MTA3: variants seen among roughly 807,000 people sequenced by gnomAD.
The protein encoded by MTA3 is metastasis associated 1 family member 3.
A neutral mutation model predicts 83.5 loss-of-function variants in MTA3; 34 were observed. That is an observed-to-expected ratio of 0.41 (90% CI 0.31 to 0.54). The LOEUF is 0.54. Ranked by LOEUF, MTA3 falls within the 20% of genes least tolerant of loss-of-function variation. MTA3 has a pLI of 0.33. For missense variants in MTA3, 761 were observed against 726.4 expected (o/e 1.05, Z -0.55); for synonymous variants, 303 against 252.7 (o/e 1.20, Z -1.89).
At chr2:42,551,266 C>T (rs1677098090) in intron 2 of MTA3, among the ~76,000 whole-genome samples, 1 of 152,004 alleles carries the variant, frequency 6.6e-6, no homozygotes, top group Non-Finnish European at 1.5e-5. Context: ...TCTTGGCTCA[C>T]TGCAACCTCT....
chr2:42,667,578 G>GTGTGTGTGTGTGTGCGTT (rs1690356769), intron 8 of MTA3, among the ~76,000 whole-genome samples: 1 of 129,812 alleles, frequency 7.7e-6, no homozygotes, highest in Non-Finnish European at 1.7e-5. Flanking sequence ...AATTGTGTGT[G>GTGTGTGTGTGTGTGCGTT]TGTGTGTGTG....
At chr2:42,623,485 G>GCT (rs1333744963) in intron 4 of MTA3, among the ~76,000 whole-genome samples, 3 of 152,156 alleles carry the variant, frequency 2.0e-5, no homozygotes, top group Non-Finnish European at 4.4e-5. Context: ...TAGAGGCAGT[G>GCT]CTCTCCTAGC....
chr2:42,727,526 C>A (rs994950968), intron 16 of MTA3, among the ~76,000 whole-genome samples: 2 of 152,076 alleles, frequency 1.3e-5, no homozygotes, highest in Non-Finnish European at 2.9e-5. Flanking sequence ...GATAGAAGAG[C>A]CATTACTGGA....
chr2:42,532,887 G>A, intron 2 of MTA3: 2 of 331,378 alleles, frequency 6.0e-6, no homozygotes, highest in Non-Finnish European at 5.8e-6. Flanking sequence ...TTTCTCTTTG[G>A]CTTCTTTTTT....
At chr2:42,732,378 G>A (rs573780668) in intron 16 of MTA3, among the ~76,000 whole-genome samples, 21 of 152,262 alleles carry the variant, frequency 1.4e-4, no homozygotes, top group African/African-American at 4.6e-4. Flanking sequence ...CTGAAGCCAC[G>A]GCCTAAGCTC....
At chr2:42,508,498 A>AT (rs1413114424) in intron 2 of MTA3, among the ~76,000 whole-genome samples, 2 of 151,252 alleles carry the variant, frequency 1.3e-5, no homozygotes, top group Non-Finnish European at 2.9e-5. Context: ...TGCCCTGCTA[A>AT]TTTTTTTTAT....
intron 2 of MTA3, chr2:42,511,943 G>A (rs1221801268): frequency 6.6e-6 from 1 of 151,828 alleles, no homozygotes; most frequent in Non-Finnish European, 1.5e-5. Context: ...CGTGAACCCG[G>A]GAGGCGGAGC....
intron 16 of MTA3, among the ~76,000 whole-genome samples, chr2:42,738,797 C>T (rs1668798297): frequency 6.6e-6 from 1 of 152,180 alleles, no homozygotes; most frequent in Admixed American, 6.5e-5. Context: ...AACTGGCCCC[C>T]CAGGGCGTAC....
chr2:42,521,754 T>C (rs1351283124), intron 2 of MTA3, among the ~76,000 whole-genome samples: 4 of 143,266 alleles, frequency 2.8e-5, no homozygotes, highest in Admixed American at 7.0e-5. Context: ...TTTCTCTCTT[T>C]TTTTTTTTTT....
chr2:42,576,263 A>G (rs911882917), intron 2 of MTA3, among the ~76,000 whole-genome samples: 1 of 152,186 alleles, frequency 6.6e-6, no homozygotes, highest in Non-Finnish European at 1.5e-5. Flanking sequence ...CTAAGAAGGC[A>G]AGAACCTTGA....
chr2:42,756,420 G>C lies in MTA3; in HGVS notation c.*3021G>C, dbSNP rs1670242312. On this transcript the variant is annotated 3_prime_UTR_variant, in exon 17 of 17. Transcript: ENST00000405094. Reference sequence around the variant, plus strand: ...GAGCCTGGGACAGGCGACCCACCGGGTCAGTCCCCTGCCACTCAGAGCAGA... The same window carrying C: ...GAGCCTGGGACAGGCGACCCACCGGCTCAGTCCCCTGCCACTCAGAGCAGA... 1.0e-6 allele frequency: 1 copy of C among 977,742 alleles called. No individual in the cohort carries two copies. The highest frequency in any genetic ancestry group is 1.7e-5 in the African/African-American group (1 of 57,200). 60.6% of individuals were successfully genotyped at this position (977,742 alleles called of 1,614,324 possible).
At chr2:42,540,951 C>T (rs1572950513) in intron 2 of MTA3, among the ~76,000 whole-genome samples, 1 of 151,920 alleles carries the variant, frequency 6.6e-6, no homozygotes, top group South Asian at 2.1e-4. Flanking sequence ...TGGTCCCTGA[C>T]TTATGATGGT....
intron 8 of MTA3, among the ~76,000 whole-genome samples, chr2:42,675,739 G>T (rs535571340): frequency 6.6e-6 from 1 of 152,112 alleles, no homozygotes; most frequent in Non-Finnish European, 1.5e-5. Flanking sequence ...TTATGTTACT[G>T]TGTCTTTTCC....
At chr2:42,518,638 C>G (rs1023540290) in intron 2 of MTA3, among the ~76,000 whole-genome samples, 2 of 152,126 alleles carry the variant, frequency 1.3e-5, no homozygotes, top group African/African-American at 4.8e-5. Context: ...GATCATAACT[C>G]CATACTCCTG....
chr2:42,713,315 T>C (rs1374128069), intron 14 of MTA3, among the ~76,000 whole-genome samples: 1 of 151,000 alleles, frequency 6.6e-6, no homozygotes, highest in Non-Finnish European at 1.5e-5. Context: ...ATGAAAAATG[T>C]GTTTTATGAG....
chr2:42,684,166 A>T (rs2104442386), intron 9 of MTA3, among the ~76,000 whole-genome samples: 1 of 152,292 alleles, frequency 6.6e-6, no homozygotes, highest in East Asian at 1.9e-4. Context: ...GTCTTTAGTT[A>T]AACTTATAGT....
intron 8 of MTA3, among the ~76,000 whole-genome samples, chr2:42,660,514 G>A (rs1232116379): frequency 2.6e-5 from 4 of 152,094 alleles, no homozygotes; most frequent in African/African-American, 4.8e-5. Flanking sequence ...AATGGCTGCC[G>A]TGGTCAGGCA....
At chr2:42,588,538 C>T (rs937290085) in intron 3 of MTA3, among the ~76,000 whole-genome samples, 5 of 152,106 alleles carry the variant, frequency 3.3e-5, no homozygotes, top group Non-Finnish European at 7.4e-5. Context: ...TTGCTAGAAG[C>T]AGATAATTTG....
intron 11 of MTA3, chr2:42,702,270 G>T (rs891612052): frequency 2.0e-5 from 3 of 152,206 alleles, no homozygotes; most frequent in Non-Finnish European, 4.4e-5. Flanking sequence ...AACATACATT[G>T]CTGACACAGG....
Sources: allele counts gnomAD v4.1 joint callset (sites outside exome capture counted in the v4.1 genomes callset), GRCh38; gene constraint gnomAD v4.1.1; transcripts MANE v1.5; gene names NCBI Gene and HGNC (gene_info 2026-07-23, HGNC 2026-07-21).